Variants in SMARCA4 observed in about 807,000 individuals in gnomAD.
SMARCA4 encodes SWI/SNF related BAF chromatin remodeling complex subunit ATPase 4.
In SMARCA4, 31 loss-of-function variants were observed where a neutral mutation model predicts 193.9. The ratio of observed to expected loss-of-function variants is 0.16; its 90% confidence interval spans 0.12 to 0.22. SMARCA4 has a LOEUF of 0.22. Ranked by LOEUF, SMARCA4 falls within the 10% of genes least tolerant of loss-of-function variation. The pLI, the probability that SMARCA4 is intolerant of heterozygous loss-of-function variation, is 1.00. For missense variants in SMARCA4, 1,148 were observed against 2,296.0 expected (o/e 0.50, Z 10.22); for synonymous variants, 942 against 933.1 (o/e 1.01, Z -0.17).
intron 24 of SMARCA4, among the ~76,000 whole-genome samples, chr19:11,029,755 C>T (rs74994502): frequency 0.013 from 1,908 of 152,304 alleles, 44 homozygotes; most frequent in African/African-American, 0.043. Context: ...CTCACTGCAA[C>T]CTCCGCCGCC....
rs1555777815 is a variant in SMARCA4 at position 11,019,677 on chromosome 19, C to T, written c.2592C>T (p.Ile864=). ...TGCTGACGACGTACGAGTACATCAT[C>T]AAAGACAAGCACATCCTCGCCAAGG... ...NVLLTTYEYI[I]KDKHILAKIR... Residue 864 remains isoleucine, a synonymous_variant, in exon 18 of 35, where the codon ATC becomes ATT. Transcript: ENST00000344626. The surrounding 1 kb of genome is among the most constrained non-coding windows in gnomAD (Gnocchi z 6.1). 16 of 1,613,134 alleles carry T rather than the reference C, an allele frequency of 9.9e-6. No individual in the cohort carries two copies. Among genetic ancestry groups the T allele is most frequent in the Non-Finnish European group, 1.4e-5 (16 of 1,179,294 alleles).
Position 11,039,611 on chromosome 19 carries a change from C to G in SMARCA4, c.4171-1696C>G, listed in dbSNP as rs932337509. 3.0e-5 allele frequency: 28 copies of G among 944,110 alleles called. No homozygotes were observed. The highest frequency in any genetic ancestry group is 3.7e-5 in the Non-Finnish European group (23 of 628,130). The allele number at this position is 944,110 out of a possible 1,614,324, so 58.5% of individuals were successfully genotyped here. A position where few individuals can be genotyped will look rare whatever the true frequency, so the allele number is the denominator to read the frequency against. On this transcript the variant is annotated intron_variant, in intron 29 of 34. Coordinates refer to ENST00000344626, the MANE Select transcript of SMARCA4 (RefSeq NM_003072.5). ...GGGCTGCACAACACTGGGGACGTGC[C>G]TAATGCCCCTGAACTGTGTACTAAA...
intron 11 of SMARCA4, among the ~76,000 whole-genome samples, chr19:10,999,931 C>T (rs2087466135): frequency 6.6e-6 from 1 of 151,792 alleles, no homozygotes; most frequent in African/African-American, 2.4e-5. Context: ...ATACTGTGTC[C>T]AGAAGTTACT....
Position 10,986,198 on chromosome 19 carries a change from C to T in SMARCA4, c.365C>T (p.Ser122Leu), listed in dbSNP as rs1555752859. 6.8e-6 allele frequency: 11 copies of T among 1,613,774 alleles called. No individual in the cohort carries two copies. The highest frequency in any genetic ancestry group is 1.1e-5 in the South Asian group (1 of 91,086). The stretch of plus-strand genomic sequence containing the variant: ...TGACCTTTCTCTGCAGGTTACCCCT[C>T]GCCCCTGGGTGGCTCTGAGCATGCC... ...PMDQHSQGYP[S>L]PLGGSEHASS... Residue 122 changes from serine (S) to leucine (L), a missense_variant, in exon 4 of 35, where the codon TCG becomes TTG. Physicochemically the swap from Ser to Leu is moderately radical, Grantham distance 145. This residue lies in a region of SMARCA4 where 201 missense variants were observed against 248.3 expected (regional missense o/e 0.81). Coordinates refer to ENST00000344626, the MANE Select transcript of SMARCA4 (RefSeq NM_003072.5). The surrounding 1 kb of genome is among the most constrained non-coding windows in gnomAD (Gnocchi z 6.7).
rs139943231 is a variant in SMARCA4, at chr19:11,033,481, C to T, written c.3738C>T (p.Phe1246=). The T allele has an allele frequency of 2.0e-4, 330 of 1,613,276 alleles. 5 individuals are homozygous for T. In the East Asian group the frequency reaches 4.1e-3, roughly 20 times the overall value. The part of the protein sequence containing the change: ...QKSSSHERRA[F]LQAILEHEEQ... ...CCTCCAGCCATGAGCGGCGCGCCTTCCTGCAGGCCATCCTGGAGCACGAGG... is the reference window on the plus strand; with the variant it reads ...CCTCCAGCCATGAGCGGCGCGCCTTTCTGCAGGCCATCCTGGAGCACGAGG... The change falls in exon 26 of 35, where the codon TTC becomes TTT. Residue 1246 remains phenylalanine, a synonymous_variant. Transcript: ENST00000344626. The surrounding 1 kb of genome is among the most constrained non-coding windows in gnomAD (Gnocchi z 9.8).
intron 30 of SMARCA4, among the ~76,000 whole-genome samples, chr19:11,050,655 A>T (rs1474223152): frequency 1.3e-5 from 2 of 152,212 alleles, no homozygotes; most frequent in Non-Finnish European, 2.9e-5. Context: ...TTCAGAGTTG[A>T]GTGGTTATAC....
intron 15 of SMARCA4, 163 bp from the exon 16 acceptor site, chr19:11,012,786 A>C: frequency 1.4e-6 from 1 of 702,270 alleles, no homozygotes; most frequent in South Asian, 1.5e-5. Flanking sequence ...GCGATAAAGA[A>C]TCAGTTTGGT....
At chr19:11,053,242 G>A (rs372374705) in intron 30 of SMARCA4, among the ~76,000 whole-genome samples, 2 of 152,142 alleles carry the variant, frequency 1.3e-5, no homozygotes, top group Non-Finnish European at 2.9e-5. Flanking sequence ...CCAGCACTTC[G>A]GGAGGCCAAG....
intron 30 of SMARCA4, among the ~76,000 whole-genome samples, chr19:11,056,889 G>A (rs890525774): frequency 1.3e-5 from 2 of 152,326 alleles, no homozygotes; most frequent in East Asian, 3.9e-4. Flanking sequence ...CCATGTTGTC[G>A]CTGCCATTTT....
Position 10,987,857 on chromosome 19 carries a change from C to T in SMARCA4, c.1051C>T (p.Arg351Cys), listed in dbSNP as rs2086199522. 1.9e-6 allele frequency: 3 copies of T among 1,612,298 alleles called. No individual in the cohort carries two copies. The highest frequency in any genetic ancestry group is 1.3e-5 in the African/African-American group (1 of 74,900). ...GGTGCCACTGCACCAGAAGCAGAGC[C>T]GCATCACCCCCATCCAGAAGCCGCG... ...PMVPLHQKQS[R>C]ITPIQKPRGL... Residue 351 changes from arginine to cysteine, a missense_variant, in exon 6 of 35, where the codon CGC becomes TGC. By Grantham distance (180) the Arg-to-Cys change is radical. Around this residue, in one of 17 missense-constraint regions of SMARCA4, gnomAD observed 257 missense variants for 276.5 expected, o/e 0.93. Transcript: ENST00000344626. The surrounding 1 kb of genome is among the most constrained non-coding windows in gnomAD (Gnocchi z 5.3).
At chr19:11,049,865 G>A (rs781103273) in intron 30 of SMARCA4, among the ~76,000 whole-genome samples, 13 of 152,232 alleles carry the variant, frequency 8.5e-5, no homozygotes, top group Non-Finnish European at 1.8e-4. Flanking sequence ...ACTTTGGGAG[G>A]CCAAGCCGGG....
In SMARCA4 at chr19:10,995,234, G is replaced by C. The variant is rs926697436; in HGVS notation, c.1593+233G>C. On this transcript the variant is annotated intron_variant, in intron 9 of 34. Coordinates refer to ENST00000344626, the MANE Select transcript of SMARCA4 (RefSeq NM_003072.5). ...CTCAGGCCACTTAGCCGGCTCCTCTGCCTTCTCTGGAAAATGGAGGTGGTG... is the reference window on the plus strand; with the variant it reads ...CTCAGGCCACTTAGCCGGCTCCTCTCCCTTCTCTGGAAAATGGAGGTGGTG... The C allele has an allele frequency of 5.8e-5, 38 of 654,470 alleles. No individual in the cohort carries two copies. In the African/African-American group the frequency reaches 6.0e-4, roughly 10 times the overall value. The allele number at this position is 654,470 out of a possible 1,614,324, so 40.5% of individuals were successfully genotyped here. A position where few individuals can be genotyped will look rare whatever the true frequency, so the allele number is the denominator to read the frequency against.
chr19:11,059,941 A>G lies in SMARCA4; in HGVS notation c.4768+56A>G, dbSNP rs1022813358. ...GTTCACGCTGGCCCGAGAGCCCCCA[A>G]GGCCCCAGCTTTTCACAGCCCTCCC... is the stretch of plus-strand genomic sequence containing the variant. On this transcript the variant is annotated intron_variant, in intron 33 of 34. Transcript: ENST00000344626. The G allele has an allele frequency of 4.3e-5, 69 of 1,613,322 alleles. 1 individual carries two copies. The South Asian group carries it at 5.7e-4, about 13-fold the overall frequency.
At chr19:11,038,483 G>A (rs1248384744) in intron 29 of SMARCA4, among the ~76,000 whole-genome samples, 1 of 152,052 alleles carries the variant, frequency 6.6e-6, no homozygotes, top group African/African-American at 2.4e-5. Context: ...TCTTTGACCC[G>A]GTTGCCTTCC....
intron 13 of SMARCA4, among the ~76,000 whole-genome samples, 183 bp downstream of exon 13, chr19:11,003,580 CAT>C (rs762760403): frequency 7.9e-5 from 12 of 152,168 alleles, no homozygotes; most frequent in Non-Finnish European, 1.8e-4. Context: ...CTTCTGGCGA[CAT>C]GTGACCATTT....
rs148707307 is a variant in SMARCA4 at position 11,000,048 on chromosome 19, A to C, written c.1813-2981A>C. 1.1e-3 allele frequency among the ~76,000 whole-genome samples: 175 copies of C among 152,178 alleles called. 1 individual carries two copies. Among genetic ancestry groups the C allele is most frequent in the African/African-American group, 4.1e-3 (170 of 41,512 alleles). On this transcript the variant is annotated intron_variant, in intron 11 of 34. Coordinates refer to ENST00000344626, the MANE Select transcript of SMARCA4 (RefSeq NM_003072.5). ...CAAGACCAGCCTGACCAACATAGTG[A>C]AACCTCGTCTCTGCTAAAAATACAA...
In SMARCA4 at chr19:11,030,782, C is replaced by T. The variant is rs138764713; in HGVS notation, c.3435C>T (p.Pro1145=). 4.6e-4 allele frequency: 747 copies of T among 1,610,186 alleles called. No homozygotes were observed. Among genetic ancestry groups the T allele is most frequent in the Non-Finnish European group, 6.1e-4 (714 of 1,178,530 alleles). ...RGMLLKTFNE[P]GSEYFIFLLS... ...TGCTGCTGAAAACCTTCAACGAGCC[C>T]GGCTCTGAGTACTTCATCTTCCTGC... Residue 1145 remains proline (P), a synonymous_variant, in exon 25 of 35, where the codon CCC becomes CCT. Transcript: ENST00000344626. This position sits in a 1 kb window ranked among gnomAD's most constrained non-coding sequence, Gnocchi z 5.5.
rs1330230991 is a variant in SMARCA4, at chr19:11,058,480, T to C, written c.4533+117T>C. 8 of 782,416 alleles carry C rather than the reference T, an allele frequency of 1.0e-5. No individual in the cohort carries two copies. The African/African-American group carries it at 1.4e-4, about 13-fold the overall frequency. The allele number at this position is 782,416 out of a possible 1,614,324, so 48.5% of individuals were successfully genotyped here. ...GAATGACCAGAAACCACCTAGGCGG[T>C]GCCTTGGGCTACCTGGTTAGGGACC... is the stretch of plus-strand genomic sequence containing the variant. On this transcript the variant is annotated intron_variant, in intron 31 of 34. Coordinates refer to ENST00000344626, the MANE Select transcript of SMARCA4 (RefSeq NM_003072.5). This position sits in a 1 kb window ranked among gnomAD's most constrained non-coding sequence, Gnocchi z 5.8.
Position 11,058,296 on chromosome 19 carries a change from C to CCTCGCGAAAGGAGCTGCCCGAGTA in SMARCA4, c.4469_4492dup (p.Ser1490_Tyr1497dup). 1 of 1,613,574 alleles carries CCTCGCGAAAGGAGCTGCCCGAGTA rather than the reference C, an allele frequency of 6.2e-7. No individual in the cohort carries two copies. Among genetic ancestry groups the CCTCGCGAAAGGAGCTGCCCGAGTA allele is most frequent in the Non-Finnish European group, 8.5e-7 (1 of 1,179,948 alleles). ...CTCAGCGAGGTCTTCATCCAGCTGC[C>CCTCGCGAAAGGAGCTGCCCGAGTA]CTCGCGAAAGGAGCTGCCCGAGTAC... is the stretch of plus-strand genomic sequence containing the variant. On this transcript the variant is annotated inframe_insertion, in exon 31 of 35. Coordinates refer to ENST00000344626, the MANE Select transcript of SMARCA4 (RefSeq NM_003072.5). The surrounding 1 kb of genome is among the most constrained non-coding windows in gnomAD (Gnocchi z 5.8).
Sources: gnomAD v4.1 joint callset for allele counts (sites outside exome capture counted in the v4.1 genomes callset) on GRCh38, gnomAD v4.1.1 for gene constraint, gnomAD v4.1.1 regional missense constraint, Gnocchi (gnomAD v3.1) non-coding constraint, MANE v1.5 for transcripts, NCBI Gene and HGNC (gene_info 2026-07-23, HGNC 2026-07-21) for gene names.